Variants in HIBCH observed in about 807,000 individuals in gnomAD.
HIBCH encodes the protein 3-hydroxyisobutyryl-CoA hydrolase.
A neutral mutation model predicts 58.2 loss-of-function variants in HIBCH; 50 were observed. The ratio of observed to expected loss-of-function variants is 0.86; its 90% CI spans 0.68 to 1.09. The LOEUF is 1.09. Among genes scored for constraint, HIBCH ranks in the 50% least tolerant of loss-of-function variants. The pLI, the probability that HIBCH is intolerant of heterozygous loss-of-function variation, is 0.00. For synonymous variants in HIBCH, 151 were observed against 146.9 expected (o/e 1.03, Z -0.20); for missense variants, 450 against 449.7 (o/e 1.00, Z -0.01).
intron 6 of HIBCH, among the ~76,000 whole-genome samples, chr2:190,264,691 G>A (rs1687183049): frequency 6.6e-6 from 1 of 152,048 alleles, no homozygotes; most frequent in African/African-American, 2.4e-5. Context: ...TAATATAAAT[G>A]GCTATTTGGA....
At chr2:190,229,910 C>T (rs1032330810) in intron 11 of HIBCH, among the ~76,000 whole-genome samples, 4 of 151,576 alleles carry the variant, frequency 2.6e-5, no homozygotes, top group Admixed American at 2.0e-4. Flanking sequence ...TCCGTAAAAA[C>T]GTAACAGTTA....
At chr2:190,256,724 T>C (rs73981026) in intron 7 of HIBCH, among the ~76,000 whole-genome samples, 2,168 of 152,210 alleles carry the variant, frequency 0.014, 57 homozygotes, top group African/African-American at 0.049. Flanking sequence ...AACACAGTTA[T>C]CACAAACATA....
chr2:190,208,150 G>A (rs1397940041), intron 13 of HIBCH, among the ~76,000 whole-genome samples: 1 of 152,146 alleles, frequency 6.6e-6, no homozygotes, highest in Non-Finnish European at 1.5e-5. Flanking sequence ...TAAGCAAAAT[G>A]GAAAGTATTA....
At chr2:190,249,976 A>G (rs900545628) in intron 8 of HIBCH, among the ~76,000 whole-genome samples, 3 of 152,198 alleles carry the variant, frequency 2.0e-5, no homozygotes, top group South Asian at 2.1e-4. Context: ...TTTGTTTCTC[A>G]GCCTATTGAG....
rs529665133 is a variant in HIBCH at position 190,205,017 on chromosome 2, A to G, written c.*100T>C. ...ATTTAAAAATGCGGAAACCATTCTT[A>G]GCTTACAGGGTATATAAAAACAGGC... On this transcript the variant is annotated 3_prime_UTR_variant, in exon 14 of 14. Coordinates refer to ENST00000359678, the MANE Select transcript of HIBCH (RefSeq NM_014362.4). The G allele has an allele frequency of 1.1e-5, 8 of 708,568 alleles. No homozygotes were observed. The highest frequency in any genetic ancestry group is 1.8e-5 in the Non-Finnish European group (7 of 384,964). 43.9% of individuals were successfully genotyped at this position (708,568 alleles called of 1,614,324 possible).
At chr2:190,271,624 C>G (rs1338831869) in intron 6 of HIBCH, among the ~76,000 whole-genome samples, 1 of 152,128 alleles carries the variant, frequency 6.6e-6, no homozygotes, top group South Asian at 2.1e-4. Context: ...ATCTCTCACC[C>G]GATTCCCTGC....
At chr2:190,268,513 C>T (rs1377285573) in intron 6 of HIBCH, among the ~76,000 whole-genome samples, 2 of 152,124 alleles carry the variant, frequency 1.3e-5, no homozygotes, top group Admixed American at 6.5e-5. Context: ...ATTTAGGCAA[C>T]CTAAGACTTT....
rs1685576156 is a variant in HIBCH, at chr2:190,217,117, A to G, written c.892-4042T>C. 3.3e-5 allele frequency among the ~76,000 whole-genome samples: 5 copies of G among 152,226 alleles called. No homozygotes were observed. The South Asian group carries it at 1.0e-3, about 32-fold the overall frequency. On this transcript the variant is annotated intron_variant, in intron 11 of 13. Transcript: ENST00000359678. This position sits in a 1 kb window ranked among gnomAD's most constrained non-coding sequence, Gnocchi z 4.6. ...CTCTTGGCCCAGTGCCAGACCCAGC[A>G]GGGCCCGACCAAAGGCACCCTGGGA...
intron 7 of HIBCH, among the ~76,000 whole-genome samples, chr2:190,252,586 T>A (rs1052609091): frequency 6.6e-6 from 1 of 152,186 alleles, no homozygotes; most frequent in Admixed American, 6.5e-5. Context: ...GTACTCAATG[T>A]TACCTAAATT....
rs60949644 is a variant in HIBCH at position 190,239,647 on chromosome 2, G to GTT, written c.891+5238_891+5239dup. Among the ~76,000 whole-genome samples, 84 of 127,516 alleles carry GTT rather than the reference G, an allele frequency of 6.6e-4. 2 individuals carry two copies. Among genetic ancestry groups the GTT allele is most frequent in the East Asian group, 3.4e-3 (15 of 4,390 alleles). The allele number at this position is 127,516 out of a possible 152,430, so 83.7% of individuals were successfully genotyped here. A position where few individuals can be genotyped will look rare whatever the true frequency, so the allele number is the denominator to read the frequency against. ...TTACTTCCTTGAGCAGTGGTTTGTA[G>GTT]TTTTTTTTTTTTTTTTTTTGAGACA... On this transcript the variant is annotated intron_variant, in intron 11 of 13. Transcript: ENST00000359678.
intron 6 of HIBCH, among the ~76,000 whole-genome samples, chr2:190,284,380 T>TA (rs929065364): frequency 6.9e-4 from 102 of 148,502 alleles, no homozygotes; most frequent in Middle Eastern, 3.4e-3. Flanking sequence ...CAGGCTTCTG[T>TA]AAAAAAAAAA....
At chr2:190,270,283 A>AAC (rs1687358543) in intron 6 of HIBCH, among the ~76,000 whole-genome samples, 3 of 129,446 alleles carry the variant, frequency 2.3e-5, no homozygotes, top group Non-Finnish European at 3.4e-5. Context: ...TTTTTTTTAA[A>AAC]AAAAAAGATA....
Position 190,213,001 on chromosome 2 carries a change from C to T in HIBCH, c.966G>A (p.Leu322=). 2 of 1,611,636 alleles carry T rather than the reference C, an allele frequency of 1.2e-6. No homozygotes were observed. The highest frequency in any genetic ancestry group is 8.5e-7 in the Non-Finnish European group (1 of 1,178,166). ...RQLMEGSSKT[L]QEVLTMEYRL... ...GATACTCCATAGTTAGTACTTCTTG[C>T]AAGGTCTTTGAAGACCCCTCCATGA... Residue 322 remains leucine (L), a synonymous_variant, in exon 12 of 14, where the codon TTG becomes TTA. Coordinates refer to ENST00000359678, the MANE Select transcript of HIBCH (RefSeq NM_014362.4).
intron 7 of HIBCH, among the ~76,000 whole-genome samples, chr2:190,252,920 G>A (rs752745408): frequency 6.6e-6 from 1 of 152,046 alleles, no homozygotes. Context: ...TAGGCGCGGT[G>A]GCTCACACCT....
intron 6 of HIBCH, among the ~76,000 whole-genome samples, chr2:190,274,743 T>C (rs1687500613): frequency 6.6e-6 from 1 of 152,154 alleles, no homozygotes; most frequent in Non-Finnish European, 1.5e-5. Flanking sequence ...CATAGCAACT[T>C]CAACTCGAAA....
chr2:190,296,292 C>T (rs1656060350), intron 3 of HIBCH, among the ~76,000 whole-genome samples: 1 of 152,054 alleles, frequency 6.6e-6, no homozygotes, highest in Non-Finnish European at 1.5e-5. Context: ...TGGTGGCGGG[C>T]ACCTGTAGTC....
chr2:190,221,261 TG>T (rs1685712774), intron 11 of HIBCH, among the ~76,000 whole-genome samples: 1 of 152,200 alleles, frequency 6.6e-6, no homozygotes, highest in Admixed American at 6.5e-5. Context: ...CAGAGAGTGC[TG>T]GGTTAGAATC....
intron 9 of HIBCH, among the ~76,000 whole-genome samples, chr2:190,246,537 C>T (rs760064241): frequency 4.5e-4 from 69 of 152,106 alleles, no homozygotes; most frequent in Non-Finnish European, 7.9e-4. Context: ...GTCAACCTGC[C>T]CAAATTTCCA....
At chr2:190,234,544 C>T (rs1210286455) in intron 11 of HIBCH, among the ~76,000 whole-genome samples, 1 of 152,142 alleles carries the variant, frequency 6.6e-6, no homozygotes, top group Non-Finnish European at 1.5e-5. Context: ...AGAAACTAGA[C>T]ACAAAATGAT....
Sources: gnomAD v4.1 joint callset for allele counts (sites outside exome capture counted in the v4.1 genomes callset) on GRCh38, gnomAD v4.1.1 for gene constraint, Gnocchi (gnomAD v3.1) non-coding constraint, MANE v1.5 for transcripts, NCBI Gene and HGNC (gene_info 2026-07-23, HGNC 2026-07-21) for gene names.